The following LRRK1 variants were observed in gnomAD, a reference collection of about 807,000 sequenced individuals.
LRRK1 encodes the protein leucine-rich repeat serine/threonine-protein kinase 1.
A neutral mutation model predicts 209.1 loss-of-function variants in LRRK1; 113 were observed. That is an observed-to-expected ratio of 0.54 (90% CI 0.46 to 0.63). LRRK1 has a LOEUF of 0.63. Among genes scored for constraint, LRRK1 ranks in the 30% least tolerant of loss-of-function variants. The pLI is 0.00. For synonymous variants in LRRK1, 1,144 were observed against 1,099.7 expected, an observed-to-expected ratio of 1.04 and a Z score of -0.80; for missense variants, 2,284 against 2,632.2, an observed-to-expected ratio of 0.87 and a Z score of 2.89.
rs1458822240 is a variant in LRRK1 at position 101,076,871 on chromosome 15, C to T, written c.*8023C>T. 1.1e-3 allele frequency: 169 copies of T among 152,300 alleles called. 1 individual carries two copies. Among genetic ancestry groups the T allele is most frequent in the African/African-American group, 3.8e-3 (157 of 41,522 alleles). The allele number at this position is 152,300 out of a possible 1,614,324, so 9.4% of individuals were successfully genotyped here. A position where few individuals can be genotyped will look rare whatever the true frequency, so the allele number is the denominator to read the frequency against. On this transcript the variant is annotated 3_prime_UTR_variant, in exon 34 of 34. Transcript: ENST00000388948. ...GCCTTTCCTACAGGGTCTGAGAAGG[C>T]CACCATGGTCATTTCTTCCCTTCTG...
At chr15:100,922,338 G>A (rs1233679462) in intron 1 of LRRK1, among the ~76,000 whole-genome samples, 1 of 152,140 alleles carries the variant, frequency 6.6e-6, no homozygotes, top group Non-Finnish European at 1.5e-5. Context: ...AACTGCTCCA[G>A]GGGCAGAGTC....
chr15:100,956,455 C>CTTTTTCTTTTTTTTTTCTT, intron 2 of LRRK1, among the ~76,000 whole-genome samples: 1 of 60,534 alleles, frequency 1.7e-5, no homozygotes, highest in Non-Finnish European at 2.9e-5. Flanking sequence ...TTTTTTTTTT[C>CTTTTTCTTTTTTTTTTCTT]TTTTTTTTTT....
chr15:101,015,937 CTA>C (rs1045740440), intron 12 of LRRK1, among the ~76,000 whole-genome samples: 11 of 151,734 alleles, frequency 7.2e-5, no homozygotes, highest in African/African-American at 2.7e-4. Context: ...ATCCTTCTCT[CTA>C]TGTCCTGAGA....
intron 2 of LRRK1, among the ~76,000 whole-genome samples, chr15:100,942,447 A>G (rs1038509528): frequency 1.3e-5 from 2 of 152,206 alleles, no homozygotes; most frequent in African/African-American, 4.8e-5. Flanking sequence ...ATTAAAAAGT[A>G]GGGTCCTTAC....
At chr15:101,020,957 C>T (rs966087584) in intron 12 of LRRK1, 96 bp from the exon 13 acceptor site, 13 of 1,412,724 alleles carry the variant, frequency 9.2e-6, no homozygotes, top group Middle Eastern at 2.1e-4. Flanking sequence ...AAAATGCCCT[C>T]TGGAGGTTGC....
In LRRK1 at chr15:101,029,230, C is replaced by G. The variant is rs377315974; in HGVS notation, c.2961C>G (p.Asp987Glu). The change falls in exon 20 of 34, where the codon GAC becomes GAG. Residue 987 changes from aspartate (D) to glutamate (E), a missense_variant and splice_region_variant. Coordinates refer to ENST00000388948, the MANE Select transcript of LRRK1 (RefSeq NM_024652.6). Reference sequence around the variant, plus strand: ...AGATCGCCCTGCCCGTCGCCAATGACAGGTGAGGACACAACTTAACACGCC... The same window carrying G: ...AGATCGCCCTGCCCGTCGCCAATGAGAGGTGAGGACACAACTTAACACGCC... ...KFEIALPVAN[D>E]SYLLPHLLPS... is the part of the protein sequence containing the mutation. 2 of 1,608,722 alleles carry G rather than the reference C, an allele frequency of 1.2e-6. No homozygotes were observed. The highest frequency in any genetic ancestry group is 1.7e-6 in the Non-Finnish European group (2 of 1,176,348).
chr15:100,955,028 C>G (rs2042725857), intron 2 of LRRK1, among the ~76,000 whole-genome samples: 1 of 148,438 alleles, frequency 6.7e-6, no homozygotes, highest in African/African-American at 2.5e-5. Context: ...ATTTTTTTTT[C>G]TATTTTTGTG....
intron 2 of LRRK1, 39 bp from the exon 3 acceptor site, chr15:100,973,765 G>T (rs2141653294): frequency 7.9e-7 from 1 of 1,261,018 alleles, no homozygotes; most frequent in South Asian, 2.9e-5. Context: ...CGCGGGCAGT[G>T]GGCGGTGACG....
chr15:101,030,299 CCCTT>C (rs772382953), intron 20 of LRRK1, among the ~76,000 whole-genome samples: 9 of 152,132 alleles, frequency 5.9e-5, no homozygotes, highest in Admixed American at 1.3e-4. Context: ...TTGCCACCCT[CCCTT>C]CCAGCCCGCA....
chr15:101,039,780 C>T (rs1348043527), intron 20 of LRRK1, among the ~76,000 whole-genome samples: 1 of 152,146 alleles, frequency 6.6e-6, no homozygotes, highest in Non-Finnish European at 1.5e-5. Flanking sequence ...TTGCTAAAAG[C>T]TTTTATCATA....
At chr15:100,949,958 C>G (rs75622495) in intron 2 of LRRK1, among the ~76,000 whole-genome samples, 7,114 of 151,558 alleles carry the variant, frequency 0.047, 319 homozygotes, top group African/African-American at 0.12. Flanking sequence ...ACATCAGGAA[C>G]AAAACAAGGA....
intron 31 of LRRK1, chr15:101,064,842 G>A (rs781412625): frequency 6.1e-6 from 1 of 163,222 alleles, no homozygotes; most frequent in African/African-American, 2.4e-5. Context: ...ATGCTGGTGG[G>A]CTGGGAGCCC....
intron 3 of LRRK1, among the ~76,000 whole-genome samples, chr15:100,976,609 G>A (rs2141656777): frequency 6.6e-6 from 1 of 152,256 alleles, no homozygotes; most frequent in South Asian, 2.1e-4. Flanking sequence ...CTCTTTGGAA[G>A]GCCATCTGAA....
rs1360403744 is a variant in LRRK1 at position 100,919,599 on chromosome 15, G to A, written c.-123+148G>A. The A allele has an allele frequency of 6.7e-6, 1 of 149,256 alleles. No individual in the cohort carries two copies. Among genetic ancestry groups the A allele is most frequent in the African/African-American group, 2.4e-5 (1 of 41,108 alleles). 9.2% of individuals were successfully genotyped at this position (149,256 alleles called of 1,614,324 possible). On this transcript the variant is annotated intron_variant, in intron 1 of 33. Transcript: ENST00000388948. This position sits in a 1 kb window ranked among gnomAD's most constrained non-coding sequence, Gnocchi z 5.8. ...TGCGCTCCGGGCGGCCGCGTGGTCG[G>A]GCACGGGGGGCCGTTGCGCAGGGGC...
chr15:101,047,831 A>C (rs967039955), intron 21 of LRRK1, among the ~76,000 whole-genome samples: 1 of 152,220 alleles, frequency 6.6e-6, no homozygotes, highest in Admixed American at 6.5e-5. Flanking sequence ...GTAAACATCT[A>C]AACTGAGGAC....
At chr15:100,930,937 G>A (rs1438206016) in intron 2 of LRRK1, among the ~76,000 whole-genome samples, 1 of 152,198 alleles carries the variant, frequency 6.6e-6, no homozygotes, top group African/African-American at 2.4e-5. Context: ...AAAGTTTGAT[G>A]AATGAAAATA....
intron 20 of LRRK1, among the ~76,000 whole-genome samples, chr15:101,032,587 A>G (rs1217992881): frequency 6.6e-6 from 1 of 152,136 alleles, no homozygotes; most frequent in African/African-American, 2.4e-5. Flanking sequence ...TTATACCACA[A>G]TCTTGACAAT....
rs1184009377 is a variant in LRRK1 at position 101,040,215 on chromosome 15, C to CACAAGAGGATTTTTAATTACAA, written c.2964-5765_2964-5764insCAAGAGGATTTTTAATTACAAA. Among the ~76,000 whole-genome samples, 6 of 151,908 alleles carry CACAAGAGGATTTTTAATTACAA rather than the reference C, an allele frequency of 3.9e-5. 1 individual carries two copies. The highest frequency in any genetic ancestry group is 8.8e-5 in the Non-Finnish European group (6 of 67,964). ...ACAAGAGGATTTTTAATTACAAATTCAATCTATTTATTAGCTATAGGGTTA... is the reference window on the plus strand; with the variant it reads ...ACAAGAGGATTTTTAATTACAAATTCACAAGAGGATTTTTAATTACAAAATCTATTTATTAGCTATAGGGTTA... On this transcript the variant is annotated intron_variant, in intron 20 of 33. Coordinates refer to ENST00000388948, the MANE Select transcript of LRRK1 (RefSeq NM_024652.6).
Position 101,012,035 on chromosome 15 carries a change from C to T in LRRK1, c.1309C>T (p.Leu437=). 6.2e-7 allele frequency: 1 copy of T among 1,608,466 alleles called. No individual in the cohort carries two copies. Among genetic ancestry groups the T allele is most frequent in the Non-Finnish European group, 8.5e-7 (1 of 1,177,832 alleles). ...LKCCKASRNA[L]ECLPDKMAVF... is the part of the protein sequence containing the mutation. ...ATGTTGTAAAGCTTCCAGAAATGCC[C>T]TGGAATGTCTGCCAGACAAAATGGC... Residue 437 remains leucine, a synonymous_variant, in exon 10 of 34, where the codon CTG becomes TTG. Coordinates refer to ENST00000388948, the MANE Select transcript of LRRK1 (RefSeq NM_024652.6).
Sources: allele counts gnomAD v4.1 joint callset (sites outside exome capture counted in the v4.1 genomes callset), GRCh38; gene constraint gnomAD v4.1.1; non-coding constraint Gnocchi (gnomAD v3.1); transcripts MANE v1.5; gene names NCBI Gene and HGNC (gene_info 2026-07-23, HGNC 2026-07-21).